Variants in TACR1 observed in about 807,000 individuals in gnomAD.
The protein encoded by TACR1 is tachykinin receptor 1.
TACR1 carries 25 observed loss-of-function variants against 35.8 expected under a neutral mutation model. That is an observed-to-expected ratio of 0.70 (90% confidence interval 0.51 to 0.98). TACR1 has a LOEUF of 0.98. Among genes scored for constraint, TACR1 ranks in the 50% least tolerant of loss-of-function variants. The pLI is 0.00. For missense variants in TACR1, 478 were observed against 522.9 expected (o/e 0.91, Z 0.84); for synonymous variants, 195 against 206.7 (o/e 0.94, Z 0.48).
At chr2:75,069,876 T>C (rs555765970) in intron 2 of TACR1, among the ~76,000 whole-genome samples, 2 of 152,304 alleles carry the variant, frequency 1.3e-5, no homozygotes, top group East Asian at 3.9e-4. Context: ...GACAGCATTG[T>C]CAGGTTTCTC....
At chr2:75,107,168 T>A (rs1204880162) in intron 2 of TACR1, among the ~76,000 whole-genome samples, 1 of 151,918 alleles carries the variant, frequency 6.6e-6, no homozygotes, top group East Asian at 1.9e-4. Flanking sequence ...ATAAATATAT[T>A]TTCTGTTACT....
intron 1 of TACR1, among the ~76,000 whole-genome samples, chr2:75,148,827 T>A (rs992695788): frequency 6.6e-6 from 1 of 152,124 alleles, no homozygotes; most frequent in African/African-American, 2.4e-5. Flanking sequence ...ACTGCCTAGG[T>A]TTTCTTCTAG....
intron 2 of TACR1, among the ~76,000 whole-genome samples, chr2:75,111,069 T>C (rs1673740444): frequency 6.6e-6 from 1 of 152,032 alleles, no homozygotes; most frequent in African/African-American, 2.4e-5. Context: ...TTACTCTTAT[T>C]GATAAGTTGC....
intron 2 of TACR1, among the ~76,000 whole-genome samples, chr2:75,109,827 A>T (rs1348568251): frequency 6.6e-6 from 1 of 152,196 alleles, no homozygotes; most frequent in Non-Finnish European, 1.5e-5. Flanking sequence ...AGAAACCATA[A>T]AATGGTGAAA....
chr2:75,167,237 A>G (rs1274497686), intron 1 of TACR1, among the ~76,000 whole-genome samples: 1 of 152,238 alleles, frequency 6.6e-6, no homozygotes, highest in Non-Finnish European at 1.5e-5. Flanking sequence ...TTTTAATGCA[A>G]TTCCAATAAA....
Position 75,197,826 on chromosome 2 carries a change from A to G in TACR1, c.389+720T>C, listed in dbSNP as rs181250177. Among the ~76,000 whole-genome samples the G allele has an allele frequency of 2.6e-5, 4 of 152,332 alleles. No individual in the cohort carries two copies. In the East Asian group the frequency reaches 7.7e-4, roughly 29 times the overall value. The stretch of plus-strand genomic sequence containing the variant: ...AGAAATTTAGAACACCTCTTGGGTA[A>G]GCTTCCTGGATCCCTATCCGTGGAG... On this transcript the variant is annotated intron_variant, in intron 1 of 4. Transcript: ENST00000305249.
At chr2:75,095,570 G>T (rs1673405737) in intron 2 of TACR1, among the ~76,000 whole-genome samples, 1 of 152,116 alleles carries the variant, frequency 6.6e-6, no homozygotes, top group African/African-American at 2.4e-5. Flanking sequence ...GCAAAAGTGG[G>T]CACTGTTGGA....
At chr2:75,133,837 G>A (rs1456020873) in intron 1 of TACR1, among the ~76,000 whole-genome samples, 8 of 152,096 alleles carry the variant, frequency 5.3e-5, no homozygotes. Flanking sequence ...TAAATCACAG[G>A]GTGACATAAG....
chr2:75,186,448 G>A (rs1021689207), intron 1 of TACR1, among the ~76,000 whole-genome samples: 6 of 151,082 alleles, frequency 4.0e-5, no homozygotes, highest in Admixed American at 4.0e-4. Flanking sequence ...TGGTGCTTAG[G>A]CAGTGAGATG....
chr2:75,082,767 G>T (rs934549721), intron 2 of TACR1, among the ~76,000 whole-genome samples: 6 of 152,044 alleles, frequency 3.9e-5, no homozygotes, highest in Non-Finnish European at 7.4e-5. Flanking sequence ...CTTTTTGATG[G>T]GGTTGTTTGT....
chr2:75,079,792 C>G (rs1019915928), intron 2 of TACR1, among the ~76,000 whole-genome samples: 1 of 143,490 alleles, frequency 7.0e-6, no homozygotes, highest in Non-Finnish European at 1.5e-5. Context: ...TCCATTCATC[C>G]TCTGAGAGAT....
intron 1 of TACR1, among the ~76,000 whole-genome samples, chr2:75,175,422 T>G (rs1195429372): frequency 1.3e-5 from 2 of 152,222 alleles, no homozygotes; most frequent in African/African-American, 4.8e-5. Context: ...ACGACACAAA[T>G]TTCTTCACAC....
At chr2:75,081,987 T>A (rs1673096520) in intron 2 of TACR1, among the ~76,000 whole-genome samples, 1 of 151,932 alleles carries the variant, frequency 6.6e-6, no homozygotes, top group Non-Finnish European at 1.5e-5. Context: ...TTGTTACATA[T>A]GTATACATGT....
chr2:75,082,758 T>C (rs1317655953), intron 2 of TACR1, among the ~76,000 whole-genome samples: 2 of 152,236 alleles, frequency 1.3e-5, no homozygotes, highest in Admixed American at 6.5e-5. Flanking sequence ...CTTCATGCAC[T>C]TTTTGATGGG....
intron 2 of TACR1, among the ~76,000 whole-genome samples, chr2:75,090,353 TG>T (rs1673284464): frequency 6.6e-6 from 1 of 152,160 alleles, no homozygotes; most frequent in African/African-American, 2.4e-5. Flanking sequence ...TGAAGGGAAG[TG>T]GGGTCGAACA....
At chr2:75,073,661 T>TG (rs987209612) in intron 2 of TACR1, among the ~76,000 whole-genome samples, 1 of 152,010 alleles carries the variant, frequency 6.6e-6, no homozygotes, top group Non-Finnish European at 1.5e-5. Context: ...GCAGTGGGTC[T>TG]GGGGGGAGGT....
chr2:75,074,997 C>T (rs1184452501), intron 2 of TACR1, among the ~76,000 whole-genome samples: 2 of 152,202 alleles, frequency 1.3e-5, no homozygotes, highest in Non-Finnish European at 2.9e-5. Context: ...TGAGAACCTG[C>T]TGTCATTTTC....
intron 2 of TACR1, among the ~76,000 whole-genome samples, chr2:75,092,764 C>T (rs1399126295): frequency 2.0e-5 from 3 of 152,122 alleles, no homozygotes; most frequent in Admixed American, 1.3e-4. Flanking sequence ...AGGGGTAAGG[C>T]GGCCTCCAAA....
chr2:75,161,368 A>G (rs1675005596), intron 1 of TACR1, among the ~76,000 whole-genome samples: 1 of 152,126 alleles, frequency 6.6e-6, no homozygotes, highest in Non-Finnish European at 1.5e-5. Flanking sequence ...TATACAGCAT[A>G]ATATTTAATA....
Sources: gnomAD v4.1 joint callset for allele counts (sites outside exome capture counted in the v4.1 genomes callset) on GRCh38, gnomAD v4.1.1 for gene constraint, MANE v1.5 for transcripts, NCBI Gene and HGNC (gene_info 2026-07-23, HGNC 2026-07-21) for gene names.